MIPEP: variants seen among roughly 807,000 people sequenced by gnomAD.
MIPEP encodes mitochondrial intermediate peptidase.
Under a neutral mutation model 90.3 loss-of-function variants are expected in MIPEP, and 79 were observed. The observed-to-expected ratio is 0.87, with a 90% CI of 0.73 to 1.05. MIPEP has a LOEUF of 1.05. Among genes scored for constraint, MIPEP ranks in the 50% least tolerant of loss-of-function variants. The pLI, the probability that MIPEP is intolerant of heterozygous loss-of-function variation, is 0.00. For missense variants in MIPEP, 940 were observed against 905.6 expected (o/e 1.04, Z -0.49); for synonymous variants, 334 against 315.8 (o/e 1.06, Z -0.61).
Position 23,734,563 on chromosome 13 carries a change from G to A in MIPEP, c.2045-4118C>T, listed in dbSNP as rs1350162767. ...TTCCTCTAGAATTTGGAAATTATCT[G>A]TCTGGAAGCTCTGAGTTTATCTTGG... On this transcript the variant is annotated intron_variant, in intron 18 of 18. Transcript: ENST00000382172. Among the ~76,000 whole-genome samples the A allele has an allele frequency of 2.6e-5, 4 of 152,158 alleles. No individual in the cohort carries two copies. In the South Asian group the frequency reaches 8.3e-4, roughly 32 times the overall value.
chr13:23,751,718 A>G (rs1030084830), intron 18 of MIPEP, among the ~76,000 whole-genome samples: 34 of 152,188 alleles, frequency 2.2e-4, no homozygotes, highest in Non-Finnish European at 2.9e-5. Flanking sequence ...GCAGAACCCA[A>G]AACTAACTGG....
chr13:23,753,291 T>C (rs564626340), intron 18 of MIPEP, among the ~76,000 whole-genome samples: 2 of 152,100 alleles, frequency 1.3e-5, no homozygotes, highest in South Asian at 4.2e-4. Flanking sequence ...CAAATCACAT[T>C]TTACCTCCCG....
intron 16 of MIPEP, among the ~76,000 whole-genome samples, chr13:23,797,898 C>T (rs1344311456): frequency 1.3e-5 from 2 of 152,142 alleles, no homozygotes; most frequent in Non-Finnish European, 2.9e-5. Context: ...GGCTTGAGAA[C>T]TATTTTGCTT....
chr13:23,856,244 T>G (rs921537966), intron 10 of MIPEP, among the ~76,000 whole-genome samples: 3 of 152,170 alleles, frequency 2.0e-5, no homozygotes, highest in African/African-American at 7.2e-5. Flanking sequence ...GTCACAGATG[T>G]GTAAGACAAA....
chr13:23,812,833 T>C (rs183986367), intron 14 of MIPEP, among the ~76,000 whole-genome samples: 5 of 152,346 alleles, frequency 3.3e-5, no homozygotes, highest in African/African-American at 1.2e-4. Context: ...ATCTATTCAA[T>C]GTCTACTATA....
At position 23,730,375 on chromosome 13, in the gene MIPEP, G is replaced by C. The variant is rs374412642; in HGVS notation, c.2115C>G (p.Phe705Leu). 1.1e-5 allele frequency: 18 copies of C among 1,612,026 alleles called. No homozygotes were observed. The Admixed American group carries it at 3.0e-4, about 27-fold the overall frequency. Residue 705 changes from phenylalanine (F) to leucine (L), a missense_variant, in exon 19 of 19, where the codon TTC becomes TTG. Transcript: ENST00000382172. ...ATTCAGAATCCATGAGGAAAGTTTC[G>C]AAGTCCAGATCCAAGTCGGAAACGA... ...SALVSDLDLD[F>L]ETFLMDSE
At chr13:23,885,045 C>T (rs1278742668) in intron 2 of MIPEP, among the ~76,000 whole-genome samples, 1 of 152,146 alleles carries the variant, frequency 6.6e-6, no homozygotes, top group East Asian at 1.9e-4. Context: ...GATGAGAAAG[C>T]AACCCAACTG....
Position 23,799,320 on chromosome 13 carries a change from A to G in MIPEP, c.1848+6630T>C, listed in dbSNP as rs752934995. Among the ~76,000 whole-genome samples, 11 of 138,852 alleles carry G rather than the reference A, an allele frequency of 7.9e-5. No individual in the cohort carries two copies. In the East Asian group the frequency reaches 2.2e-3, roughly 28 times the overall value. 91.1% of individuals were successfully genotyped at this position (138,852 alleles called of 152,430 possible). The stretch of plus-strand genomic sequence containing the variant: ...CCACCACACCCAGGCAAATTAGAGT[A>G]ATTTTTTTGTTTTTGTTTTTGTTTT... On this transcript the variant is annotated intron_variant, in intron 16 of 18. Coordinates refer to ENST00000382172, the MANE Select transcript of MIPEP (RefSeq NM_005932.4).
chr13:23,814,919 A>G (rs1428163905), intron 14 of MIPEP, among the ~76,000 whole-genome samples: 4 of 152,210 alleles, frequency 2.6e-5, no homozygotes, highest in African/African-American at 7.2e-5. Context: ...TTGAATCCCA[A>G]CTGTGCTACT....
At chr13:23,868,106 G>A (rs1396182478) in intron 7 of MIPEP, among the ~76,000 whole-genome samples, 1 of 151,926 alleles carries the variant, frequency 6.6e-6, no homozygotes, top group Non-Finnish European at 1.5e-5. Context: ...TAGGAGCTTC[G>A]ATTATATGAA....
At chr13:23,821,587 T>C (rs1953305594) in intron 14 of MIPEP, among the ~76,000 whole-genome samples, 1 of 152,144 alleles carries the variant, frequency 6.6e-6, no homozygotes, top group Admixed American at 6.5e-5. Context: ...AGCTGGGTAA[T>C]ACACAATGAA....
chr13:23,736,072 C>T (rs144232325), intron 18 of MIPEP, among the ~76,000 whole-genome samples: 9 of 152,088 alleles, frequency 5.9e-5, no homozygotes, highest in Non-Finnish European at 8.8e-5. Flanking sequence ...AGAAGGGTGA[C>T]GATTAAAATT....
intron 4 of MIPEP, among the ~76,000 whole-genome samples, chr13:23,878,131 ATTGT>A (rs1871142835): frequency 1.3e-5 from 2 of 152,328 alleles, no homozygotes; most frequent in South Asian, 2.1e-4. Context: ...TATTTTTAAC[ATTGT>A]TTGTTGTTAT....
At chr13:23,811,980 C>T (rs1165604749) in intron 14 of MIPEP, among the ~76,000 whole-genome samples, 1 of 152,098 alleles carries the variant, frequency 6.6e-6, no homozygotes, top group Admixed American at 6.5e-5. Flanking sequence ...TTGCTGTTCT[C>T]GGTGCATTAG....
chr13:23,759,099 A>C (rs1317433553), intron 17 of MIPEP, among the ~76,000 whole-genome samples: 1 of 152,126 alleles, frequency 6.6e-6, no homozygotes, highest in African/African-American at 2.4e-5. Flanking sequence ...AAATGCTATA[A>C]ACAACTCTGA....
intron 10 of MIPEP, among the ~76,000 whole-genome samples, chr13:23,849,215 A>G (rs989663241): frequency 1.3e-5 from 2 of 152,210 alleles, no homozygotes; most frequent in African/African-American, 4.8e-5. Context: ...GATGCTACAC[A>G]TAAGAACATT....
chr13:23,793,489 A>G (rs1178079404), intron 16 of MIPEP, among the ~76,000 whole-genome samples: 1 of 152,122 alleles, frequency 6.6e-6, no homozygotes. Flanking sequence ...AAGTTCATGG[A>G]GCTATAAATT....
chr13:23,756,489 G>T, intron 18 of MIPEP, 56 bp downstream of exon 18: 1 of 1,534,342 alleles, frequency 6.5e-7, no homozygotes, highest in Non-Finnish European at 9.0e-7. Flanking sequence ...AAAAACATAT[G>T]GAGAAAACAT....
chr13:23,885,912 TAAAAAAA>T, intron 2 of MIPEP, among the ~76,000 whole-genome samples: 1 of 134,932 alleles, frequency 7.4e-6, no homozygotes, highest in South Asian at 2.4e-4. Context: ...CTGTCTCTAT[TAAAAAAA>T]AAAAAAAAAG....
Sources: allele counts gnomAD v4.1 joint callset (sites outside exome capture counted in the v4.1 genomes callset), GRCh38; gene constraint gnomAD v4.1.1; transcripts MANE v1.5; gene names NCBI Gene and HGNC (gene_info 2026-07-23, HGNC 2026-07-21).